Variants in CTNND2 observed in about 807,000 individuals in gnomAD.
The protein encoded by CTNND2 is catenin delta 2.
A neutral mutation model predicts 144.4 loss-of-function variants in CTNND2; 22 were observed. The observed-to-expected ratio is 0.15, with a 90% CI of 0.11 to 0.22. CTNND2 has a LOEUF of 0.22. CTNND2 is among the 10% of genes least tolerant of loss of function. The pLI is 1.00. For synonymous variants in CTNND2, 751 were observed against 695.6 expected (o/e 1.08, Z -1.25); for missense variants, 1,353 against 1,618.8 (o/e 0.84, Z 2.82).
In CTNND2 at chr5:11,837,481, G is replaced by A. The variant is rs187231831; in HGVS notation, c.37+66336C>T. ...AAGAACAGAACTGGTAAGGGCTTGT[G>A]AGCCAAGGGCAGGGAAGACTAGTCA... On this transcript the variant is annotated intron_variant, in intron 1 of 21. Coordinates refer to ENST00000304623, the MANE Select transcript of CTNND2 (RefSeq NM_001332.4). Among the ~76,000 whole-genome samples the A allele has an allele frequency of 5.9e-5, 9 of 152,320 alleles. No homozygotes were observed. In the East Asian group the frequency reaches 1.7e-3, roughly 29 times the overall value.
At chr5:11,318,904 A>G (rs921482985) in intron 9 of CTNND2, among the ~76,000 whole-genome samples, 3 of 150,504 alleles carry the variant, frequency 2.0e-5, no homozygotes, top group African/African-American at 7.3e-5. Context: ...CCTAGAAAAA[A>G]CATATAGAAA....
chr5:11,720,189 G>T (rs559836918), intron 2 of CTNND2, among the ~76,000 whole-genome samples: 7 of 151,846 alleles, frequency 4.6e-5, no homozygotes, highest in Non-Finnish European at 8.8e-5. Flanking sequence ...TCATTTGCTG[G>T]CATCTTTGAG....
At chr5:11,800,220 G>A (rs1037651461) in intron 1 of CTNND2, among the ~76,000 whole-genome samples, 1 of 152,160 alleles carries the variant, frequency 6.6e-6, no homozygotes, top group African/African-American at 2.4e-5. Flanking sequence ...TCCCACTATA[G>A]AGTATCAATT....
At chr5:11,681,961 C>T (rs527406411) in intron 2 of CTNND2, among the ~76,000 whole-genome samples, 9 of 151,344 alleles carry the variant, frequency 5.9e-5, no homozygotes, top group African/African-American at 2.2e-4. Flanking sequence ...AGATGACTGG[C>T]CTTCTGACAC....
intron 6 of CTNND2, among the ~76,000 whole-genome samples, chr5:11,388,076 G>T (rs1259613767): frequency 6.6e-6 from 1 of 152,134 alleles, no homozygotes; most frequent in African/African-American, 2.4e-5. Flanking sequence ...CAATTTGAAA[G>T]TCTTTTAGAT....
intron 15 of CTNND2, among the ~76,000 whole-genome samples, chr5:11,084,754 A>C (rs547986743): frequency 6.6e-6 from 1 of 152,142 alleles, no homozygotes; most frequent in South Asian, 2.1e-4. Context: ...ATCTCTTCTA[A>C]TTCTTGAAAC....
intron 9 of CTNND2, among the ~76,000 whole-genome samples, chr5:11,245,971 T>G (rs1377053305): frequency 1.3e-5 from 2 of 152,210 alleles, no homozygotes; most frequent in Non-Finnish European, 2.9e-5. Flanking sequence ...TCCCTGAGCT[T>G]CGGCTTATTT....
intron 10 of CTNND2, among the ~76,000 whole-genome samples, chr5:11,220,001 G>A (rs901858891): frequency 5.9e-5 from 9 of 152,102 alleles, no homozygotes; most frequent in Admixed American, 4.6e-4. Context: ...CTTGAAAGGG[G>A]AGCTCTGTAA....
At chr5:11,301,603 G>A (rs564718645) in intron 9 of CTNND2, among the ~76,000 whole-genome samples, 3 of 152,174 alleles carry the variant, frequency 2.0e-5, no homozygotes, top group Admixed American at 1.3e-4. Flanking sequence ...TTCTTCCCCT[G>A]AAGTTTCATT....
chr5:11,525,203 C>G (rs530447229), intron 3 of CTNND2, among the ~76,000 whole-genome samples: 12 of 152,220 alleles, frequency 7.9e-5, no homozygotes, highest in African/African-American at 2.2e-4. Context: ...AGTTACATAT[C>G]AAAGGAGATT....
intron 11 of CTNND2, among the ~76,000 whole-genome samples, chr5:11,173,490 A>C (rs1760151002): frequency 6.6e-6 from 1 of 152,210 alleles, no homozygotes; most frequent in Non-Finnish European, 1.5e-5. Flanking sequence ...TGTCCTGTGG[A>C]AACCTTGATG....
chr5:11,733,306 A>G (rs1446078776), intron 1 of CTNND2, among the ~76,000 whole-genome samples: 1 of 152,038 alleles, frequency 6.6e-6, no homozygotes, highest in Non-Finnish European at 1.5e-5. Flanking sequence ...ACTCTCTGAG[A>G]GTGGATAGTG....
chr5:11,783,186 C>T (rs1050047844), intron 1 of CTNND2, among the ~76,000 whole-genome samples: 6 of 152,102 alleles, frequency 3.9e-5, no homozygotes, highest in Non-Finnish European at 8.8e-5. Flanking sequence ...GAGAGATGAG[C>T]GAGGGAGCCA....
At chr5:11,346,708 G>A (rs911304018) in intron 8 of CTNND2, 81 bp from the exon 9 acceptor site, 4 of 1,303,048 alleles carry the variant, frequency 3.1e-6, no homozygotes, top group Non-Finnish European at 4.0e-6. Context: ...GCAGGGGCAG[G>A]GGAAGTTACA....
chr5:11,028,184 C>G (rs1743062675), intron 16 of CTNND2, among the ~76,000 whole-genome samples: 1 of 152,098 alleles, frequency 6.6e-6, no homozygotes, highest in Admixed American at 6.5e-5. Flanking sequence ...ATGTCTCAAA[C>G]TGATTAGAGA....
At chr5:10,990,821 T>C (rs546159896) in intron 19 of CTNND2, among the ~76,000 whole-genome samples, 1 of 152,334 alleles carries the variant, frequency 6.6e-6, no homozygotes, top group East Asian at 1.9e-4. Flanking sequence ...GCGCACTGTC[T>C]GCATGGCTGG....
intron 2 of CTNND2, among the ~76,000 whole-genome samples, chr5:11,731,758 T>C (rs1332476586): frequency 1.3e-5 from 2 of 152,206 alleles, no homozygotes; most frequent in Non-Finnish European, 2.9e-5. Flanking sequence ...TACTGTCATA[T>C]ATATTTTTAA....
chr5:11,693,524 T>C (rs894681196), intron 2 of CTNND2, among the ~76,000 whole-genome samples: 2 of 152,232 alleles, frequency 1.3e-5, no homozygotes, highest in South Asian at 4.1e-4. Context: ...TTTCAAAGCA[T>C]TGTTGAAAGG....
intron 12 of CTNND2, among the ~76,000 whole-genome samples, chr5:11,129,201 T>G (rs1398706057): frequency 2.4e-5 from 1 of 42,204 alleles, no homozygotes; most frequent in African/African-American, 8.3e-5. Context: ...ATAATATATA[T>G]TATATATTTA....
Sources: gnomAD v4.1 joint callset for allele counts (sites outside exome capture counted in the v4.1 genomes callset) on GRCh38, gnomAD v4.1.1 for gene constraint, MANE v1.5 for transcripts, NCBI Gene and HGNC (gene_info 2026-07-23, HGNC 2026-07-21) for gene names.